The following RTN4 variants were observed in gnomAD, a reference collection of about 807,000 sequenced individuals.
RTN4 encodes reticulon 4.
Under a neutral mutation model 90.4 loss-of-function variants are expected in RTN4, and 32 were observed. The observed-to-expected ratio is 0.35, with a 90% confidence interval of 0.27 to 0.48. RTN4 has a LOEUF of 0.48. Among genes scored for constraint, RTN4 ranks in the 20% least tolerant of loss-of-function variants. RTN4 has a pLI of 0.99. For synonymous variants in RTN4, 629 were observed against 552.5 expected (o/e 1.14, Z -1.94); for missense variants, 1,706 against 1,430.2 (o/e 1.19, Z -3.11).
At chr2:55,030,741 C>G (rs1682244732) in intron 1 of RTN4, among the ~76,000 whole-genome samples, 1 of 152,134 alleles carries the variant, frequency 6.6e-6, no homozygotes. Flanking sequence ...TTTGGCTAGG[C>G]TTCCTCAAAG....
chr2:55,052,840 C>T (rs1483128007), upstream of RTN4, among the ~76,000 whole-genome samples: 1 of 152,168 alleles, frequency 6.6e-6, no homozygotes, highest in Non-Finnish European at 1.5e-5. Context: ...CCCACTATGA[C>T]TGTTCTGAAA....
At chr2:54,997,124 A>G (rs1411714871) in intron 3 of RTN4, among the ~76,000 whole-genome samples, 1 of 152,224 alleles carries the variant, frequency 6.6e-6, no homozygotes, top group Non-Finnish European at 1.5e-5. Context: ...CAATTCTCTG[A>G]TAAGAGACTT....
intron 1 of RTN4, among the ~76,000 whole-genome samples, chr2:55,035,740 G>A (rs1682632763): frequency 6.6e-6 from 1 of 152,034 alleles, no homozygotes; most frequent in South Asian, 2.1e-4. Flanking sequence ...AGCAAGTATT[G>A]AAAATAAAAG....
chr2:55,084,575 G>T (rs1300049151), intron 1 of RTN4, among the ~76,000 whole-genome samples: 1 of 152,156 alleles, frequency 6.6e-6, no homozygotes, highest in Non-Finnish European at 1.5e-5. Flanking sequence ...CAGACAAAAG[G>T]TGTGGGTAAT....
intron 1 of RTN4, among the ~76,000 whole-genome samples, chr2:55,085,510 C>T (rs986571866): frequency 6.6e-6 from 1 of 152,064 alleles, no homozygotes; most frequent in African/African-American, 2.4e-5. Flanking sequence ...CTCTTAAGAC[C>T]CTCAACTGAT....
chr2:55,069,996 C>A (rs571276004), intron 2 of RTN4, among the ~76,000 whole-genome samples: 1 of 152,128 alleles, frequency 6.6e-6, no homozygotes. Context: ...TTATTGAACT[C>A]CCTTTTAAAA....
At chr2:55,100,462 G>A (rs1667832454) in intron 1 of RTN4, among the ~76,000 whole-genome samples, 1 of 152,090 alleles carries the variant, frequency 6.6e-6, no homozygotes, top group Admixed American at 6.6e-5. Flanking sequence ...TCAGCCATTT[G>A]CCATAATTCT....
chr2:54,979,037 A>G (rs1677900489), intron 5 of RTN4, among the ~76,000 whole-genome samples: 1 of 151,792 alleles, frequency 6.6e-6, no homozygotes, highest in African/African-American at 2.4e-5. Flanking sequence ...GGAACTTAAG[A>G]TTAAGATTTT....
At position 55,025,571 on chromosome 2, in the gene RTN4, T is replaced by C; in HGVS notation, c.2528A>G (p.Asp843Gly). 1 of 1,613,728 alleles carries C rather than the reference T, an allele frequency of 6.2e-7. No homozygotes were observed. The highest frequency in any genetic ancestry group is 8.5e-7 in the Non-Finnish European group (1 of 1,179,828). ...EELSTAVYSN[D>G]DLFISKEAQI... ...TGCTTCCTTAGAAATAAATAAGTCA[T>C]CATTTGAATAAACTGCAGTACTGAG... Residue 843 changes from aspartate (D) to glycine (G), a missense_variant, in exon 3 of 9, where the codon GAT becomes GGT. Asp to Gly is a moderately conservative substitution (Grantham distance 94). Coordinates refer to ENST00000337526, the MANE Select transcript of RTN4 (RefSeq NM_020532.5).
At chr2:54,992,881 A>G (rs1679120381) in intron 3 of RTN4, among the ~76,000 whole-genome samples, 1 of 151,936 alleles carries the variant, frequency 6.6e-6, no homozygotes, top group South Asian at 2.1e-4. Context: ...CATCCTTCCT[A>G]ACACGGTGAA....
chr2:55,028,033 T>C, intron 2 of RTN4, 131 bp downstream of exon 2: 1 of 746,322 alleles, frequency 1.3e-6, no homozygotes, highest in Admixed American at 3.8e-5. Flanking sequence ...ATTTCAACTT[T>C]TCCAGTAGAC....
At chr2:55,057,354 T>C (rs757921954) in intron 2 of RTN4, among the ~76,000 whole-genome samples, 2 of 152,140 alleles carry the variant, frequency 1.3e-5, no homozygotes, top group Non-Finnish European at 2.9e-5. Context: ...AAATAGAGCA[T>C]AGGCATTTGA....
chr2:55,114,366 C>T (rs1464826722), upstream of RTN4, among the ~76,000 whole-genome samples: 1 of 152,116 alleles, frequency 6.6e-6, no homozygotes, highest in Non-Finnish European at 1.5e-5. Flanking sequence ...TGGAAAGGAA[C>T]AAGGAGGCTC....
chr2:55,069,574 G>A (rs1668450867), intron 2 of RTN4, among the ~76,000 whole-genome samples: 1 of 152,192 alleles, frequency 6.6e-6, no homozygotes, highest in African/African-American at 2.4e-5. Flanking sequence ...TTCAGAAGTA[G>A]AGTTAACTTC....
chr2:55,089,855 C>A (rs1668906223), intron 1 of RTN4, among the ~76,000 whole-genome samples: 1 of 152,104 alleles, frequency 6.6e-6, no homozygotes, highest in African/African-American at 2.4e-5. Context: ...GTAAAAAGGT[C>A]CCCCTGGGAC....
intron 3 of RTN4, among the ~76,000 whole-genome samples, chr2:55,017,736 G>A (rs1289294425): frequency 6.6e-6 from 1 of 152,120 alleles, no homozygotes; most frequent in Non-Finnish European, 1.5e-5. Context: ...GGGTTTTTCA[G>A]TCTCCACATA....
At chr2:55,055,781 C>CA (rs1280648703), upstream of RTN4, among the ~76,000 whole-genome samples, 1,655 of 128,808 alleles carry the variant, frequency 0.013, 17 homozygotes, top group Non-Finnish European at 0.02. Flanking sequence ...AAAAAAAAAA[C>CA]AAAAAAAACA....
At chr2:55,105,343 C>T (rs1052544061) in intron 1 of RTN4, among the ~76,000 whole-genome samples, 11 of 151,262 alleles carry the variant, frequency 7.3e-5, no homozygotes, top group Non-Finnish European at 1.5e-5. Flanking sequence ...AGTTCTCCTG[C>T]CTCAGCCTCC....
chr2:55,097,238 G>A (rs1203896097), intron 1 of RTN4, among the ~76,000 whole-genome samples: 1 of 150,430 alleles, frequency 6.6e-6, no homozygotes, highest in Non-Finnish European at 1.5e-5. Context: ...GGAGGTCAGG[G>A]CTGCAATGAG....
Sources: allele counts gnomAD v4.1 joint callset (sites outside exome capture counted in the v4.1 genomes callset), GRCh38; gene constraint gnomAD v4.1.1; transcripts MANE v1.5; gene names NCBI Gene and HGNC (gene_info 2026-07-23, HGNC 2026-07-21).